RANBP2: variants seen among roughly 807,000 people sequenced by gnomAD.
The protein encoded by RANBP2 is E3 SUMO-protein ligase RanBP2.
In RANBP2, 57 loss-of-function variants were observed where a neutral mutation model predicts 303.6. That is an observed-to-expected ratio of 0.19 (90% CI 0.15 to 0.23). The LOEUF (loss-of-function observed/expected upper bound fraction) is 0.23, where lower values mean the gene tolerates loss of function less well. RANBP2 is among the 10% of genes least tolerant of loss of function. RANBP2 has a pLI of 1.00. For synonymous variants in RANBP2, 1,167 were observed against 1,301.5 expected, an observed-to-expected ratio of 0.90 and a Z score of 2.23; for missense variants, 3,138 against 3,780.8, an observed-to-expected ratio of 0.83 and a Z score of 4.46.
chr2:108,873,709 T>C, the RANBP2 span: 1 of 620,064 alleles, frequency 1.6e-6, no homozygotes, highest in South Asian at 2.5e-5. Context: ...AATTGCCTTG[T>C]GCCACACATA....
At chr2:109,639,720 T>G in the RANBP2 span, among the ~76,000 whole-genome samples, 12 of 149,834 alleles carry the variant, frequency 8.0e-5, no homozygotes, top group East Asian at 1.6e-3. Flanking sequence ...AATACTAGAT[T>G]TTTTTTTTTT....
At chr2:108,835,643 A>G in the RANBP2 span, among the ~76,000 whole-genome samples, 1 of 152,170 alleles carries the variant, frequency 6.6e-6, no homozygotes, top group East Asian at 1.9e-4. Flanking sequence ...TAATTTCTCA[A>G]ACTGTGACGA....
At chr2:109,219,342 A>C in the RANBP2 span, among the ~76,000 whole-genome samples, 2 of 152,348 alleles carry the variant, frequency 1.3e-5, no homozygotes, top group African/African-American at 4.8e-5. Context: ...TTTGCCAAGT[A>C]AAATGTTAAA....
the RANBP2 span, among the ~76,000 whole-genome samples, chr2:108,904,463 C>CT: frequency 2.0e-5 from 3 of 152,224 alleles, no homozygotes; most frequent in African/African-American, 7.2e-5. Context: ...ACTCCTGGGT[C>CT]TTTATCCCAG....
At chr2:109,366,422 A>G in the RANBP2 span, among the ~76,000 whole-genome samples, 1 of 152,272 alleles carries the variant, frequency 6.6e-6, no homozygotes. Context: ...CAAGATACAG[A>G]AAAGTGTGGT....
At chr2:109,501,359 TTAAAAA>T in the RANBP2 span, 1 of 503,802 alleles carries the variant, frequency 2.0e-6, no homozygotes, top group East Asian at 3.0e-5. Flanking sequence ...TTTGAAAAAA[TTAAAAA>T]TAAAGATAAA....
At chr2:109,299,620 A>G in the RANBP2 span, among the ~76,000 whole-genome samples, 3 of 152,164 alleles carry the variant, frequency 2.0e-5, no homozygotes, top group East Asian at 5.8e-4. Context: ...ATGAGCTCAC[A>G]GGAAACCTTG....
At chr2:108,833,649 G>A in the RANBP2 span, among the ~76,000 whole-genome samples, 1 of 151,456 alleles carries the variant, frequency 6.6e-6, no homozygotes, top group East Asian at 1.9e-4. Context: ...AAAGATACCA[G>A]TACTTACATA....
chr2:108,890,738 A>G, the RANBP2 span, among the ~76,000 whole-genome samples: 1 of 152,086 alleles, frequency 6.6e-6, no homozygotes, highest in African/African-American at 2.4e-5. Context: ...TTCATCTATT[A>G]TTTTATTAAT....
At chr2:108,976,707 ATTAT>A in the RANBP2 span, among the ~76,000 whole-genome samples, 1 of 152,116 alleles carries the variant, frequency 6.6e-6, no homozygotes, top group Non-Finnish European at 1.5e-5. Context: ...CCAATATTAC[ATTAT>A]TTATTTTGTT....
the RANBP2 span, among the ~76,000 whole-genome samples, chr2:108,970,412 G>A: frequency 6.6e-6 from 1 of 152,210 alleles, no homozygotes; most frequent in Non-Finnish European, 1.5e-5. Flanking sequence ...CTAGGAGTCT[G>A]TTTCAGAGGC....
At chr2:109,489,378 G>C in the RANBP2 span, among the ~76,000 whole-genome samples, 1 of 152,244 alleles carries the variant, frequency 6.6e-6, no homozygotes, top group Non-Finnish European at 1.5e-5. Context: ...GGCCTGGGGG[G>C]ACTTGGCTGG....
the RANBP2 span, among the ~76,000 whole-genome samples, chr2:109,254,691 G>C: frequency 4.6e-5 from 7 of 152,280 alleles, no homozygotes; most frequent in Admixed American, 3.9e-4. Flanking sequence ...CCTAATGTTG[G>C]TGTGTGGTTG....
chr2:109,174,130 T>C, the RANBP2 span, among the ~76,000 whole-genome samples: 2 of 152,198 alleles, frequency 1.3e-5, no homozygotes, highest in Non-Finnish European at 2.9e-5. Flanking sequence ...GGCTGTGCCA[T>C]AGGGCAGAGC....
chr2:109,135,248 G>A, the RANBP2 span, among the ~76,000 whole-genome samples: 1 of 152,212 alleles, frequency 6.6e-6, no homozygotes, highest in Non-Finnish European at 1.5e-5. Flanking sequence ...TCCCAGGCTG[G>A]TGTCTGAAGC....
the RANBP2 span, among the ~76,000 whole-genome samples, chr2:109,451,828 A>G: frequency 6.6e-6 from 1 of 152,356 alleles, no homozygotes; most frequent in African/African-American, 2.4e-5. Context: ...ATAGCTCCCG[A>G]GCCTCTGTGG....
At chr2:108,875,855 C>T in the RANBP2 span, among the ~76,000 whole-genome samples, 38 of 152,072 alleles carry the variant, frequency 2.5e-4, no homozygotes, top group Admixed American at 6.5e-4. Context: ...AAGACCTTAT[C>T]TCAAAAGAAA....
At chr2:109,059,906 C>T in the RANBP2 span, among the ~76,000 whole-genome samples, 6 of 152,296 alleles carry the variant, frequency 3.9e-5, no homozygotes, top group East Asian at 1.2e-3. Context: ...TGCTGCCTCA[C>T]AGGCCTGAGT....
chr2:108,870,456 C>T, the RANBP2 span, among the ~76,000 whole-genome samples: 1 of 152,052 alleles, frequency 6.6e-6, no homozygotes, highest in Admixed American at 6.6e-5. Flanking sequence ...GAAATAATAG[C>T]TGAAAACTTA....
Sources: allele counts gnomAD v4.1 joint callset (sites outside exome capture counted in the v4.1 genomes callset), GRCh38; gene constraint gnomAD v4.1.1; transcripts MANE v1.5; gene names NCBI Gene and HGNC (gene_info 2026-07-23, HGNC 2026-07-21).